Variants in GRAP2 observed in about 807,000 individuals in gnomAD.
GRAP2 encodes GRB2 related adaptor protein 2, also known as GRB2-related adapter protein 2.
Under a neutral mutation model 43.5 loss-of-function variants are expected in GRAP2, and 31 were observed. That is an observed-to-expected ratio of 0.71 (90% CI 0.54 to 0.96). The LOEUF (loss-of-function observed/expected upper bound fraction) is 0.96. GRAP2 is among the 40% of genes least tolerant of loss of function. GRAP2 has a pLI of 0.00. For synonymous variants in GRAP2, 156 were observed against 164.8 expected (o/e 0.95, Z 0.41); for missense variants, 371 against 424.4 (o/e 0.87, Z 1.11).
chr22:39,946,870 G>T, intron 1 of GRAP2: 2 of 453,192 alleles, frequency 4.4e-6, no homozygotes, highest in Non-Finnish European at 7.9e-6. Flanking sequence ...CCTGCTCCTG[G>T]CATCTGGGGA....
chr22:39,900,146 T>C (rs2145560872), upstream of GRAP2, among the ~76,000 whole-genome samples: 1 of 152,332 alleles, frequency 6.6e-6, no homozygotes, highest in Non-Finnish European at 1.5e-5. Context: ...TTTAAGAAAG[T>C]AAATTTTAAG....
At chr22:39,938,764 C>G (rs948234579) in intron 1 of GRAP2, among the ~76,000 whole-genome samples, 3 of 152,382 alleles carry the variant, frequency 2.0e-5, no homozygotes, top group Non-Finnish European at 4.4e-5. Flanking sequence ...AAAAGCGAAG[C>G]AGCCAGAGGA....
chr22:39,958,947 A>G (rs1303356708), intron 3 of GRAP2, among the ~76,000 whole-genome samples: 1 of 152,232 alleles, frequency 6.6e-6, no homozygotes, highest in Non-Finnish European at 1.5e-5. Context: ...GTCTCCAGTA[A>G]GTACATCCTT....
At chr22:39,956,380 A>T (rs1482634463) in intron 3 of GRAP2, among the ~76,000 whole-genome samples, 1 of 151,156 alleles carries the variant, frequency 6.6e-6, no homozygotes, top group Non-Finnish European at 1.5e-5. Context: ...CTGGTCCCAA[A>T]CTCCTGACCT....
intron 3 of GRAP2, among the ~76,000 whole-genome samples, chr22:39,957,422 C>G (rs569849775): frequency 1.3e-5 from 2 of 152,196 alleles, no homozygotes; most frequent in East Asian, 1.9e-4. Flanking sequence ...CCCAGACCCC[C>G]CTCCCCCACC....
intron 1 of GRAP2, among the ~76,000 whole-genome samples, chr22:39,928,089 A>G (rs1006308642): frequency 2.2e-4 from 34 of 152,168 alleles, no homozygotes; most frequent in African/African-American, 8.2e-4. Flanking sequence ...GCTGCTCAGA[A>G]ATTGTCGAGG....
In GRAP2 at chr22:39,971,261, A is replaced by G. The variant is rs1055636031; in HGVS notation, c.*177A>G. On this transcript the variant is annotated 3_prime_UTR_variant, in exon 8 of 8. Transcript: ENST00000344138. ...TTGGGCTGGTAATTAGTTGATGCAA[A>G]AGGGAACTCAGGTGGAGAATAATAT... 1 of 552,598 alleles carries G rather than the reference A, an allele frequency of 1.8e-6. No individual in the cohort carries two copies. Among genetic ancestry groups the G allele is most frequent in the African/African-American group, 2.0e-5 (1 of 50,694 alleles). The allele number at this position is 552,598 out of a possible 1,614,324, so 34.2% of individuals were successfully genotyped here.
At position 39,971,148 on chromosome 22, in the gene GRAP2, G is replaced by A; in HGVS notation, c.*64G>A. ...CACAAGAAAGAGGGCAAGGAAAAAAGGCTGGACTCCATGACTATATATACA... is the reference window on the plus strand; with the variant it reads ...CACAAGAAAGAGGGCAAGGAAAAAAAGCTGGACTCCATGACTATATATACA... On this transcript the variant is annotated 3_prime_UTR_variant, in exon 8 of 8. Coordinates refer to ENST00000344138, the MANE Select transcript of GRAP2 (RefSeq NM_004810.4). The A allele has an allele frequency of 2.3e-6, 3 of 1,287,390 alleles. No individual in the cohort carries two copies. The highest frequency in any genetic ancestry group is 2.5e-5 in the South Asian group (2 of 79,042). 79.7% of individuals were successfully genotyped at this position (1,287,390 alleles called of 1,614,324 possible).
At chr22:39,937,908 T>C (rs1330852344) in intron 1 of GRAP2, among the ~76,000 whole-genome samples, 1 of 152,112 alleles carries the variant, frequency 6.6e-6, no homozygotes, top group East Asian at 1.9e-4. Context: ...ATATACATTA[T>C]ACTTAAAGAG....
intron 1 of GRAP2, among the ~76,000 whole-genome samples, chr22:39,919,509 C>T (rs1340769567): frequency 6.6e-6 from 1 of 152,198 alleles, no homozygotes; most frequent in African/African-American, 2.4e-5. Context: ...ATTCTTCATG[C>T]CATTTCCTTC....
chr22:39,904,945 TG>T (rs2066513793), intron 1 of GRAP2, among the ~76,000 whole-genome samples: 2 of 152,174 alleles, frequency 1.3e-5, no homozygotes, highest in African/African-American at 4.8e-5. Flanking sequence ...ACTAAAAGCA[TG>T]ATTTGATTTT....
chr22:39,911,394 C>G (rs372084421), intron 1 of GRAP2, among the ~76,000 whole-genome samples: 13 of 151,782 alleles, frequency 8.6e-5, no homozygotes, highest in African/African-American at 2.7e-4. Context: ...CCTCCCCCAG[C>G]CCCATCCTCA....
intron 2 of GRAP2, among the ~76,000 whole-genome samples, chr22:39,949,096 C>T (rs752084610): frequency 6.6e-6 from 1 of 152,056 alleles, no homozygotes; most frequent in Non-Finnish European, 1.5e-5. Context: ...TGCTGGATGT[C>T]CCCACATGAA....
intron 1 of GRAP2, among the ~76,000 whole-genome samples, chr22:39,936,454 T>C (rs962587005): frequency 6.6e-6 from 1 of 152,184 alleles, no homozygotes; most frequent in Non-Finnish European, 1.5e-5. Context: ...TTTTGCCTTA[T>C]TTTTGTTGTT....
At chr22:39,926,065 C>T (rs1451772300) in intron 1 of GRAP2, among the ~76,000 whole-genome samples, 2 of 152,196 alleles carry the variant, frequency 1.3e-5, no homozygotes, top group African/African-American at 2.4e-5. Context: ...TGCCTCCTGT[C>T]CTTCAACTGT....
At chr22:39,937,762 G>A (rs1234459627) in intron 1 of GRAP2, among the ~76,000 whole-genome samples, 2 of 152,156 alleles carry the variant, frequency 1.3e-5, no homozygotes, top group Non-Finnish European at 2.9e-5. Flanking sequence ...AAAGTAAGCA[G>A]CAGAGCCTAG....
intron 1 of GRAP2, among the ~76,000 whole-genome samples, chr22:39,919,265 A>G (rs2066629688): frequency 6.6e-6 from 1 of 152,198 alleles, no homozygotes; most frequent in African/African-American, 2.4e-5. Flanking sequence ...ACCAGCTCCT[A>G]AACATTATAC....
chr22:39,914,160 A>T (rs1323861069), intron 1 of GRAP2, among the ~76,000 whole-genome samples: 1 of 152,144 alleles, frequency 6.6e-6, no homozygotes, highest in Non-Finnish European at 1.5e-5. Context: ...CTGTGTGCAG[A>T]CTGCCCTTTT....
At chr22:39,896,075 T>A in the GRAP2 span, among the ~76,000 whole-genome samples, 2 of 152,246 alleles carry the variant, frequency 1.3e-5, no homozygotes, top group Non-Finnish European at 2.9e-5. Context: ...GGACTTGTTA[T>A]GTTTGGAGAA....
Sources: gnomAD v4.1 joint callset for allele counts (sites outside exome capture counted in the v4.1 genomes callset) on GRCh38, gnomAD v4.1.1 for gene constraint, MANE v1.5 for transcripts, NCBI Gene and HGNC (gene_info 2026-07-23, HGNC 2026-07-21) for gene names.